The following MARCO variants were observed in gnomAD, a reference collection of about 807,000 sequenced individuals.
MARCO encodes the protein macrophage receptor MARCO.
In MARCO, 72 loss-of-function variants were observed where a neutral mutation model predicts 70.0. That is an observed-to-expected ratio of 1.03 (90% CI 0.85 to 1.25). MARCO has a LOEUF of 1.25. MARCO is among the 50% of genes most tolerant of loss of function. The pLI is 0.00. For synonymous variants in MARCO, 273 were observed against 243.1 expected, an observed-to-expected ratio of 1.12 and a Z score of -1.14; for missense variants, 696 against 659.3, an observed-to-expected ratio of 1.06 and a Z score of -0.61.
chr2:118,943,413 T>G (rs950499089), intron 1 of MARCO, among the ~76,000 whole-genome samples: 5 of 152,222 alleles, frequency 3.3e-5, no homozygotes, highest in Non-Finnish European at 7.3e-5. Flanking sequence ...CAAAGTCAGC[T>G]GATCAAGCAT....
chr2:118,989,964 G>A (rs1249368849), intron 12 of MARCO, among the ~76,000 whole-genome samples: 1 of 151,690 alleles, frequency 6.6e-6, no homozygotes, highest in Admixed American at 6.6e-5. Context: ...AAAGTTTACT[G>A]AAAAAAAAGG....
chr2:118,969,472 G>A (rs1471487225), intron 2 of MARCO, among the ~76,000 whole-genome samples: 6 of 152,212 alleles, frequency 3.9e-5, no homozygotes, highest in African/African-American at 1.4e-4. Flanking sequence ...GAGGGAGAGA[G>A]AGAGACATTG....
At chr2:118,981,302 A>T (rs1235950071) in intron 8 of MARCO, 107 bp from the exon 9 acceptor site, 4 of 733,732 alleles carry the variant, frequency 5.5e-6, no homozygotes, top group Non-Finnish European at 9.3e-6. Context: ...TAGGAGCTCA[A>T]GGAGTTTAGG....
At chr2:118,964,922 T>C (rs1353227648) in intron 1 of MARCO, among the ~76,000 whole-genome samples, 1 of 151,842 alleles carries the variant, frequency 6.6e-6, no homozygotes, top group Non-Finnish European at 1.5e-5. Flanking sequence ...TTATAAGTAA[T>C]GTGCCATTTG....
intron 15 of MARCO, among the ~76,000 whole-genome samples, chr2:118,992,835 C>CT (rs1467985795): frequency 6.7e-6 from 1 of 150,304 alleles, no homozygotes; most frequent in African/African-American, 2.5e-5. Flanking sequence ...CTCAGCTTTC[C>CT]TTTTTTTCTC....
At chr2:118,959,323 G>T (rs1370876384) in intron 1 of MARCO, among the ~76,000 whole-genome samples, 1 of 151,970 alleles carries the variant, frequency 6.6e-6, no homozygotes, top group Non-Finnish European at 1.5e-5. Context: ...GTGGGCTAAG[G>T]ATATGAAAAA....
intron 1 of MARCO, among the ~76,000 whole-genome samples, chr2:118,968,327 C>T (rs1680095291): frequency 6.6e-6 from 1 of 152,200 alleles, no homozygotes; most frequent in Admixed American, 6.5e-5. Flanking sequence ...TGAACTGTGG[C>T]TTTTGTCTCT....
intron 1 of MARCO, chr2:118,944,950 T>C (rs1417105733): frequency 6.6e-6 from 1 of 152,194 alleles, no homozygotes; most frequent in African/African-American, 2.4e-5. Context: ...CTTTATTTTT[T>C]ATTCTAGCTT....
At chr2:118,991,637 C>G in intron 13 of MARCO, 140 bp from the exon 14 acceptor site, 1 of 574,206 alleles carries the variant, frequency 1.7e-6, no homozygotes, top group South Asian at 2.4e-5. Flanking sequence ...GGACCAAAGA[C>G]AGGCTGAACA....
chr2:118,977,878 A>C lies in MARCO; in HGVS notation c.709A>C (p.Ile237Leu). 1 of 1,612,948 alleles carries C rather than the reference A, an allele frequency of 6.2e-7. No individual in the cohort carries two copies. The highest frequency in any genetic ancestry group is 8.5e-7 in the Non-Finnish European group (1 of 1,179,564). The part of the protein sequence containing the change: ...EKGSKGDGGL[I>L]GPKGETGTKG... ...GGGCAGCAAAGGCGATGGGGGTCTC[A>C]TTGGCCCAAAAGGGGAAACTGGAAC... The change falls in exon 8 of 17, where the codon ATT becomes CTT. Residue 237 changes from isoleucine (I) to leucine (L), a missense_variant. This residue lies in a region of MARCO where 605 missense variants were observed against 537.6 expected (regional missense o/e 1.13). Coordinates refer to ENST00000327097, the MANE Select transcript of MARCO (RefSeq NM_006770.4).
intron 1 of MARCO, among the ~76,000 whole-genome samples, chr2:118,962,558 G>C (rs1287781708): frequency 6.6e-6 from 1 of 151,926 alleles, no homozygotes; most frequent in Non-Finnish European, 1.5e-5. Flanking sequence ...TCATGAAATA[G>C]TTTTGTTTGT....
At chr2:118,963,358 G>A (rs1679985123) in intron 1 of MARCO, among the ~76,000 whole-genome samples, 1 of 151,582 alleles carries the variant, frequency 6.6e-6, no homozygotes, top group Admixed American at 6.6e-5. Flanking sequence ...GCATTATATA[G>A]AAGTCCTTTT....
rs1432610166 is a variant in MARCO, at chr2:118,974,250, T to C, written c.461-83T>C. The C allele has an allele frequency of 2.3e-5, 19 of 828,050 alleles. No individual in the cohort carries two copies. The Admixed American group carries it at 3.8e-4, about 17-fold the overall frequency. 51.3% of individuals were successfully genotyped at this position (828,050 alleles called of 1,614,324 possible). On this transcript the variant is annotated intron_variant, in intron 4 of 16. Transcript: ENST00000327097. Reference sequence around the variant, plus strand: ...CCATGCTCAGTGAACGTTTGTTGAATGAATCACCATGTAAGTGATTGCATG... The same window carrying C: ...CCATGCTCAGTGAACGTTTGTTGAACGAATCACCATGTAAGTGATTGCATG...
At chr2:118,979,148 C>A (rs138469839) in intron 8 of MARCO, among the ~76,000 whole-genome samples, 3 of 152,152 alleles carry the variant, frequency 2.0e-5, no homozygotes, top group Non-Finnish European at 4.4e-5. Context: ...AAGAAGACAG[C>A]CCTTAGTAGG....
intron 13 of MARCO, 34 bp from the exon 14 acceptor site, chr2:118,991,743 G>A: frequency 7.3e-7 from 1 of 1,371,156 alleles, no homozygotes; most frequent in East Asian, 2.4e-5. Context: ...AGGCAAAGCA[G>A]GGCACCTGAT....
At position 118,968,659 on chromosome 2, in the gene MARCO, A is replaced by T. The variant is rs1680102179; in HGVS notation, c.98-501A>T. On this transcript the variant is annotated intron_variant, in intron 1 of 16. Coordinates refer to ENST00000327097, the MANE Select transcript of MARCO (RefSeq NM_006770.4). ...ATATCAAGCATGTTTTACTTTTATA[A>T]TTTACAAATCTTAAGGAAAAAAAAG... 2.0e-5 allele frequency among the ~76,000 whole-genome samples: 3 copies of T among 152,298 alleles called. No individual in the cohort carries two copies. In the South Asian group the frequency reaches 6.2e-4, roughly 32 times the overall value.
At chr2:118,949,883 T>C (rs1679686161) in intron 1 of MARCO, 1 of 152,228 alleles carries the variant, frequency 6.6e-6, no homozygotes, top group African/African-American at 2.4e-5. Context: ...CTGATGCTGA[T>C]GTACTGGAAA....
intron 1 of MARCO, among the ~76,000 whole-genome samples, chr2:118,947,506 C>T (rs1005229663): frequency 3.3e-5 from 5 of 152,120 alleles, no homozygotes; most frequent in African/African-American, 9.7e-5. Flanking sequence ...TCTCGTATAA[C>T]GTATAATGTG....
intron 12 of MARCO, among the ~76,000 whole-genome samples, chr2:118,984,158 G>T (rs190142999): frequency 1.4e-4 from 21 of 152,224 alleles, no homozygotes; most frequent in Non-Finnish European, 2.9e-4. Flanking sequence ...TCCCTCCCCA[G>T]CCCCACAATC....
Sources: allele counts gnomAD v4.1 joint callset (sites outside exome capture counted in the v4.1 genomes callset), GRCh38; gene constraint gnomAD v4.1.1; regional missense constraint gnomAD v4.1.1; transcripts MANE v1.5; gene names NCBI Gene and HGNC (gene_info 2026-07-23, HGNC 2026-07-21).